SDK1: variants seen among roughly 807,000 people sequenced by gnomAD.
The protein encoded by SDK1 is protein sidekick-1.
Under a neutral mutation model 245.5 loss-of-function variants are expected in SDK1, and 157 were observed. The ratio of observed to expected loss-of-function variants is 0.64; its 90% CI spans 0.56 to 0.73. The LOEUF is 0.73. Ranked by LOEUF, SDK1 falls within the 30% of genes least tolerant of loss-of-function variation. The pLI is 0.00. For missense variants in SDK1, 3,583 were observed against 3,002.3 expected, an observed-to-expected ratio of 1.19 and a Z score of -4.52; for synonymous variants, 1,647 against 1,278.5, an observed-to-expected ratio of 1.29 and a Z score of -6.15.
chr7:4,081,818 C>T (rs769061489), intron 22 of SDK1, among the ~76,000 whole-genome samples: 1 of 152,106 alleles, frequency 6.6e-6, no homozygotes, highest in Non-Finnish European at 1.5e-5. Context: ...GTCAATGATC[C>T]TCAAGATTTT....
chr7:3,732,534 T>G (rs1177332791), intron 4 of SDK1, among the ~76,000 whole-genome samples: 3 of 152,238 alleles, frequency 2.0e-5, no homozygotes, highest in Non-Finnish European at 4.4e-5. Context: ...CTTTCACATA[T>G]TTCCTTTTTT....
rs1779265463 is a variant in SDK1, at chr7:3,301,717, C to T, written c.131C>T (p.Pro44Leu). 5 of 976,722 alleles carry T rather than the reference C, an allele frequency of 5.1e-6. No individual in the cohort carries two copies. The Admixed American group carries it at 2.6e-4, about 50-fold the overall frequency. 60.5% of individuals were successfully genotyped at this position (976,722 alleles called of 1,614,324 possible). Residue 44 changes from proline to leucine, a missense_variant, in exon 1 of 45, where the codon CCC becomes CTC. By Grantham distance (98) the Pro-to-Leu change is moderately conservative. Coordinates refer to ENST00000404826, the MANE Select transcript of SDK1 (RefSeq NM_152744.4). ...GRARPSLAPR[P>L]GPEPSRPRAA... Reference sequence around the variant, plus strand: ...GCCCGCCCCTCGCTGGCGCCGCGCCCCGGCCCGGAGCCCTCGCGACCCCGG... The same window carrying T: ...GCCCGCCCCTCGCTGGCGCCGCGCCTCGGCCCGGAGCCCTCGCGACCCCGG...
At chr7:4,127,229 G>A (rs757969209) in intron 25 of SDK1, 152 bp from the exon 26 acceptor site, 43 of 634,422 alleles carry the variant, frequency 6.8e-5, no homozygotes, top group Middle Eastern at 5.1e-4. Flanking sequence ...TTACATGTCC[G>A]TTATACTCCT....
intron 4 of SDK1, among the ~76,000 whole-genome samples, chr7:3,759,759 T>C (rs1285966998): frequency 6.6e-6 from 1 of 151,822 alleles, no homozygotes; most frequent in African/African-American, 2.4e-5. Flanking sequence ...GCCTGGCTAA[T>C]TTTTTGTATT....
chr7:4,153,560 T>G lies in SDK1; in HGVS notation c.4625+4097T>G, dbSNP rs1584310384. 2.0e-5 allele frequency among the ~76,000 whole-genome samples: 3 copies of G among 152,286 alleles called. No homozygotes were observed. The South Asian group carries it at 6.2e-4, about 32-fold the overall frequency. On this transcript the variant is annotated intron_variant, in intron 30 of 44. Transcript: ENST00000404826. ...GAGATCATACCACTGAACTCCAGCCTGGGCAACAGAGTGAGACTCCATCTC... is the reference window on the plus strand; with the variant it reads ...GAGATCATACCACTGAACTCCAGCCGGGGCAACAGAGTGAGACTCCATCTC...
intron 13 of SDK1, among the ~76,000 whole-genome samples, chr7:3,977,975 G>T (rs964335617): frequency 1.3e-5 from 2 of 152,118 alleles, no homozygotes; most frequent in African/African-American, 2.4e-5. Flanking sequence ...CCCACCATGG[G>T]TATACAAGTA....
intron 28 of SDK1, among the ~76,000 whole-genome samples, chr7:4,135,383 G>A (rs1779005153): frequency 6.6e-6 from 1 of 152,202 alleles, no homozygotes; most frequent in African/African-American, 2.4e-5. Flanking sequence ...CAGACGCTCT[G>A]CACTTCCAGG....
intron 1 of SDK1, among the ~76,000 whole-genome samples, chr7:3,503,724 G>C (rs1028597198): frequency 2.0e-5 from 3 of 151,824 alleles, no homozygotes; most frequent in Admixed American, 1.3e-4. Flanking sequence ...TAATAAGAAT[G>C]ATATACTTAA....
intron 1 of SDK1, among the ~76,000 whole-genome samples, chr7:3,599,845 A>G (rs1162297992): frequency 3.3e-5 from 5 of 152,198 alleles, no homozygotes. Context: ...TACTGTAGCT[A>G]GATAGTAACT....
At chr7:3,929,794 T>C (rs1779908811) in intron 5 of SDK1, among the ~76,000 whole-genome samples, 1 of 151,782 alleles carries the variant, frequency 6.6e-6, no homozygotes, top group Non-Finnish European at 1.5e-5. Context: ...TATTAGCTGG[T>C]TTTGCGTTGA....
intron 5 of SDK1, among the ~76,000 whole-genome samples, chr7:3,897,452 C>T (rs964651004): frequency 6.6e-6 from 1 of 152,208 alleles, no homozygotes; most frequent in Admixed American, 6.5e-5. Context: ...TGGAGACACA[C>T]AGTGTCTGCC....
intron 38 of SDK1, among the ~76,000 whole-genome samples, chr7:4,215,954 C>T (rs1191823691): frequency 6.6e-6 from 1 of 152,172 alleles, no homozygotes; most frequent in Non-Finnish European, 1.5e-5. Context: ...CCCAGCCTCA[C>T]ACAGGGAGCA....
chr7:3,592,775 A>G (rs1181294309), intron 1 of SDK1, among the ~76,000 whole-genome samples: 1 of 152,200 alleles, frequency 6.6e-6, no homozygotes, highest in Non-Finnish European at 1.5e-5. Flanking sequence ...TAGCTCCAGA[A>G]TCTGCTCAGA....
chr7:3,777,937 T>G (rs1347854565), intron 4 of SDK1, among the ~76,000 whole-genome samples: 1 of 152,238 alleles, frequency 6.6e-6, no homozygotes, highest in East Asian at 1.9e-4. Flanking sequence ...AAGCCACAGC[T>G]TCATGCTGAG....
chr7:4,074,866 C>CTT (rs1398379526), intron 20 of SDK1, among the ~76,000 whole-genome samples: 48 of 91,670 alleles, frequency 5.2e-4, no homozygotes, highest in African/African-American at 3.1e-3. Context: ...TTCTCTCTCT[C>CTT]TCTCTCTCTC....
At chr7:4,144,598 G>T (rs910625253) in intron 28 of SDK1, among the ~76,000 whole-genome samples, 2 of 152,118 alleles carry the variant, frequency 1.3e-5, no homozygotes, top group Non-Finnish European at 2.9e-5. Context: ...CAAGGCGCAG[G>T]AGCTGGGAGG....
chr7:3,639,880 A>G lies in SDK1; in HGVS notation c.565+770A>G, dbSNP rs571461522. ...TAAATATATGTTTGAGATAGGGTCT[A>G]TCTCTGTCTCTCAGGCTGGAGTGCA... is the stretch of plus-strand genomic sequence containing the variant. On this transcript the variant is annotated intron_variant, in intron 3 of 44. Transcript: ENST00000404826. Among the ~76,000 whole-genome samples the G allele has an allele frequency of 2.6e-5, 4 of 152,128 alleles. No individual in the cohort carries two copies. In the South Asian group the frequency reaches 6.2e-4, roughly 24 times the overall value.
chr7:3,495,568 G>A (rs1385221856), intron 1 of SDK1, among the ~76,000 whole-genome samples: 2 of 152,140 alleles, frequency 1.3e-5, no homozygotes, highest in Admixed American at 1.3e-4. Context: ...TGGAAAACTT[G>A]GCTCTGATGC....
At chr7:3,843,446 A>G (rs1780205863) in intron 5 of SDK1, among the ~76,000 whole-genome samples, 1 of 152,240 alleles carries the variant, frequency 6.6e-6, no homozygotes, top group Non-Finnish European at 1.5e-5. Context: ...TTACATTCCT[A>G]TCACCCGCAA....
Sources: gnomAD v4.1 joint callset for allele counts (sites outside exome capture counted in the v4.1 genomes callset) on GRCh38, gnomAD v4.1.1 for gene constraint, MANE v1.5 for transcripts, NCBI Gene and HGNC (gene_info 2026-07-23, HGNC 2026-07-21) for gene names.